YAP1: variants seen among roughly 807,000 people sequenced by gnomAD.
The protein encoded by YAP1 is transcriptional coactivator YAP1.
In YAP1, 5 loss-of-function variants were observed where a neutral mutation model predicts 56.9. The observed-to-expected ratio is 0.09, with a 90% CI of 0.05 to 0.18. The LOEUF is 0.18. YAP1 is among the 10% of genes least tolerant of loss of function. YAP1 has a pLI of 1.00. For missense variants in YAP1, 539 were observed against 651.8 expected, an observed-to-expected ratio of 0.83 and a Z score of 1.88; for synonymous variants, 265 against 248.1, an observed-to-expected ratio of 1.07 and a Z score of -0.64.
intron 1 of YAP1, among the ~76,000 whole-genome samples, chr11:102,111,654 C>A (rs113671481): frequency 1.3e-5 from 2 of 152,116 alleles, no homozygotes; most frequent in East Asian, 3.9e-4. Flanking sequence ...GTGTTGCCAG[C>A]GGCGGCCGAG....
intron 3 of YAP1, among the ~76,000 whole-genome samples, chr11:102,185,366 T>C (rs1394980369): frequency 2.0e-5 from 3 of 152,208 alleles, no homozygotes; most frequent in Admixed American, 6.5e-5. Flanking sequence ...CCAACAACTT[T>C]AGCACTTATC....
chr11:102,179,651 GTTTCCCATTTTTCTTTTTC>G (rs1947468023), intron 3 of YAP1, among the ~76,000 whole-genome samples: 1 of 152,058 alleles, frequency 6.6e-6, no homozygotes, highest in East Asian at 1.9e-4. Context: ...CTAAAAAACT[GTTTCCCATTTTTCTTTTTC>G]TTTCCCATTT....
chr11:102,201,938 C>T (rs1429371640), intron 4 of YAP1, among the ~76,000 whole-genome samples: 2 of 152,048 alleles, frequency 1.3e-5, no homozygotes, highest in African/African-American at 4.8e-5. Context: ...TACTAGATGA[C>T]CTTGGAACAT....
At chr11:102,142,705 C>A (rs976082069) in intron 2 of YAP1, among the ~76,000 whole-genome samples, 2 of 152,150 alleles carry the variant, frequency 1.3e-5, no homozygotes, top group Non-Finnish European at 2.9e-5. Context: ...TTATTCTTTA[C>A]AATCAGTTTT....
intron 2 of YAP1, among the ~76,000 whole-genome samples, chr11:102,147,231 G>A (rs1013421990): frequency 1.2e-4 from 19 of 152,130 alleles, no homozygotes; most frequent in African/African-American, 4.6e-4. Context: ...TGCGCTTTGT[G>A]CTTTAGCTGC....
intron 4 of YAP1, among the ~76,000 whole-genome samples, chr11:102,195,795 C>T (rs969812780): frequency 2.0e-5 from 3 of 152,162 alleles, no homozygotes; most frequent in Admixed American, 1.3e-4. Context: ...ATTACCCAGT[C>T]TTGGGTATGT....
intron 3 of YAP1, among the ~76,000 whole-genome samples, chr11:102,173,784 A>G (rs929554632): frequency 3.9e-5 from 6 of 152,250 alleles, no homozygotes; most frequent in African/African-American, 1.4e-4. Context: ...TCTGGAGTTG[A>G]ATATGAAACT....
At chr11:102,211,432 G>T (rs1469396557) in intron 6 of YAP1, among the ~76,000 whole-genome samples, 1 of 152,102 alleles carries the variant, frequency 6.6e-6, no homozygotes, top group Non-Finnish European at 1.5e-5. Context: ...CTTGAAAGAG[G>T]TTTTTAAAAA....
At chr11:102,140,728 A>G (rs1944970570) in intron 2 of YAP1, among the ~76,000 whole-genome samples, 3 of 152,054 alleles carry the variant, frequency 2.0e-5, no homozygotes, top group Admixed American at 2.0e-4. Context: ...CTGTAATCCT[A>G]GCTACTTGGG....
intron 4 of YAP1, among the ~76,000 whole-genome samples, chr11:102,193,367 AC>A (rs1948398434): frequency 6.6e-6 from 1 of 152,136 alleles, no homozygotes; most frequent in Non-Finnish European, 1.5e-5. Context: ...TAAAAAGTAA[AC>A]AACTTTAGTT....
intron 2 of YAP1, among the ~76,000 whole-genome samples, chr11:102,131,361 T>G (rs2135232050): frequency 6.6e-6 from 1 of 152,356 alleles, no homozygotes; most frequent in East Asian, 1.9e-4. Flanking sequence ...GATCCCACTC[T>G]GTGTAATAGG....
chr11:102,186,379 G>A, intron 4 of YAP1: 1 of 376,104 alleles, frequency 2.7e-6, no homozygotes, highest in Non-Finnish European at 4.8e-6. Flanking sequence ...CGACTAACCA[G>A]AATCACTTGT....
chr11:102,180,275 A>C (rs1018330839), intron 3 of YAP1, among the ~76,000 whole-genome samples: 3 of 152,052 alleles, frequency 2.0e-5, no homozygotes, highest in African/African-American at 4.8e-5. Context: ...TTGGCCTCCT[A>C]ATCTATTTCT....
chr11:102,206,039 A>T lies in YAP1; in HGVS notation c.949A>T (p.Arg317Trp). 2 of 1,613,984 alleles carry T rather than the reference A, an allele frequency of 1.2e-6. No homozygotes were observed. Among genetic ancestry groups the T allele is most frequent in the Non-Finnish European group, 8.5e-7 (1 of 1,179,928 alleles). The change falls in exon 5 of 9, where the codon AGG (arginine) becomes TGG (tryptophan). Residue 317 changes from arginine to tryptophan, a missense_variant. Physicochemically the swap from Arg to Trp is moderately radical, Grantham distance 101. Coordinates refer to ENST00000282441, the MANE Select transcript of YAP1 (RefSeq NM_001130145.3). ...GCAGCAACTGCAGATGGAGAAGGAG[A>T]GGCTGCGGCTGAAACAGCAAGAACT... is the stretch of plus-strand genomic sequence containing the variant. ...RLQQLQMEKE[R>W]LRLKQQELLR...
chr11:102,173,610 C>A (rs1947052464), intron 3 of YAP1, among the ~76,000 whole-genome samples: 1 of 152,120 alleles, frequency 6.6e-6, no homozygotes, highest in Admixed American at 6.6e-5. Flanking sequence ...TCTCAATGAT[C>A]TATTGAGTGT....
intron 2 of YAP1, 40 bp downstream of exon 2, chr11:102,114,434 A>G (rs748741025): frequency 3.1e-6 from 5 of 1,592,976 alleles, no homozygotes; most frequent in East Asian, 2.2e-5. Flanking sequence ...ATCTAAGACA[A>G]ATATGTATTG....
chr11:102,213,213 G>A (rs970327032), intron 6 of YAP1, among the ~76,000 whole-genome samples: 24 of 152,140 alleles, frequency 1.6e-4, no homozygotes, highest in Admixed American at 1.6e-3. Flanking sequence ...GACTGGGGGC[G>A]GTGGCTCACG....
chr11:102,202,292 T>C (rs2135579190), intron 4 of YAP1, among the ~76,000 whole-genome samples: 1 of 151,602 alleles, frequency 6.6e-6, no homozygotes, highest in South Asian at 2.1e-4. Context: ...GCCTCCTGAG[T>C]AGCTGGTAGG....
Position 102,129,009 on chromosome 11 carries a change from A to C in YAP1, c.572+14615A>C, listed in dbSNP as rs374815275. Among the ~76,000 whole-genome samples, 24 of 151,690 alleles carry C rather than the reference A, an allele frequency of 1.6e-4. No homozygotes were observed. In the East Asian group the frequency reaches 2.3e-3, roughly 15 times the overall value. ...CCTGTGTCCCCTCCCCAGTCTCCTG[A>C]CACTGTCTCTTTCTTTCTCTCATCA... On this transcript the variant is annotated intron_variant, in intron 2 of 8. Coordinates refer to ENST00000282441, the MANE Select transcript of YAP1 (RefSeq NM_001130145.3).
Sources: allele counts gnomAD v4.1 joint callset (sites outside exome capture counted in the v4.1 genomes callset), GRCh38; gene constraint gnomAD v4.1.1; transcripts MANE v1.5; gene names NCBI Gene and HGNC (gene_info 2026-07-23, HGNC 2026-07-21).